Variants in PCDH7 observed in about 807,000 individuals in gnomAD.
PCDH7 encodes the protein protocadherin 7.
Under a neutral mutation model 58.9 loss-of-function variants are expected in PCDH7, and 17 were observed. The observed-to-expected ratio is 0.29, with a 90% CI of 0.20 to 0.43. The LOEUF is 0.43. Ranked by LOEUF, PCDH7 falls within the 20% of genes least tolerant of loss-of-function variation. PCDH7 has a pLI of 1.00. For synonymous variants in PCDH7, 664 were observed against 616.4 expected (o/e 1.08, Z -1.14); for missense variants, 1,274 against 1,441.0 (o/e 0.88, Z 1.88).
At chr4:31,083,723 T>G (rs1022081889) in intron 3 of PCDH7, among the ~76,000 whole-genome samples, 1 of 152,196 alleles carries the variant, frequency 6.6e-6, no homozygotes, top group Non-Finnish European at 1.5e-5. Context: ...TCAAAAATGA[T>G]GGGGTGGAGT....
At chr4:30,893,332 T>C (rs1738860200) in intron 1 of PCDH7, among the ~76,000 whole-genome samples, 1 of 152,090 alleles carries the variant, frequency 6.6e-6, no homozygotes, top group South Asian at 2.1e-4. Context: ...TAGGTTTAGT[T>C]TTACTTTCCA....
chr4:30,890,494 G>C (rs1738473392), intron 1 of PCDH7, among the ~76,000 whole-genome samples: 1 of 151,302 alleles, frequency 6.6e-6, no homozygotes, highest in Non-Finnish European at 1.5e-5. Flanking sequence ...CTTGATCTTT[G>C]TATAGTCATT....
At chr4:30,983,289 C>G (rs1750720250) in intron 3 of PCDH7, among the ~76,000 whole-genome samples, 1 of 151,998 alleles carries the variant, frequency 6.6e-6, no homozygotes, top group Admixed American at 6.6e-5. Context: ...ATTTAGTTTT[C>G]TTTTTAATGG....
chr4:30,872,172 T>A (rs990646833), intron 1 of PCDH7, among the ~76,000 whole-genome samples: 1 of 152,118 alleles, frequency 6.6e-6, no homozygotes, highest in African/African-American at 2.4e-5. Flanking sequence ...TCCTTACCAA[T>A]TACTGCTTAT....
chr4:30,760,253 G>A (rs557268032), intron 1 of PCDH7, among the ~76,000 whole-genome samples: 44 of 152,236 alleles, frequency 2.9e-4, no homozygotes, highest in African/African-American at 1.1e-3. Context: ...AGAGGAGCAG[G>A]GGAAGGCAGT....
chr4:30,952,680 T>A (rs1456795012), intron 3 of PCDH7, among the ~76,000 whole-genome samples: 1 of 152,112 alleles, frequency 6.6e-6, no homozygotes, highest in African/African-American at 2.4e-5. Context: ...TAGAAAAGCC[T>A]TTGAGGTAAA....
At chr4:30,924,965 C>G (rs964653646) in intron 2 of PCDH7, among the ~76,000 whole-genome samples, 3 of 151,810 alleles carry the variant, frequency 2.0e-5, no homozygotes, top group South Asian at 4.2e-4. Flanking sequence ...TTTGGCCACT[C>G]TAAATCCCTA....
rs75810933 is a variant in PCDH7, at chr4:31,079,534, G to A, written c.*8-62939G>A. Among the ~76,000 whole-genome samples the A allele has an allele frequency of 8.8e-4, 133 of 150,478 alleles. 3 individuals are homozygous for A. The East Asian group carries it at 0.024, about 27-fold the overall frequency. ...AGATTCCAAAGAAGTCCAACAGCACGTAATACCAAGTATATGTTTAAGATG... is the reference window on the plus strand; with the variant it reads ...AGATTCCAAAGAAGTCCAACAGCACATAATACCAAGTATATGTTTAAGATG... On this transcript the variant is annotated intron_variant, in intron 3 of 3. Coordinates refer to the PCDH7 transcript ENST00000509759.
At chr4:30,798,503 A>G (rs898163845) in intron 1 of PCDH7, among the ~76,000 whole-genome samples, 12 of 152,242 alleles carry the variant, frequency 7.9e-5, no homozygotes, top group African/African-American at 2.4e-4. Flanking sequence ...AAGTTGAGGA[A>G]TAAGTATAAT....
chr4:30,928,619 A>G (rs1430795671), intron 2 of PCDH7, among the ~76,000 whole-genome samples: 1 of 152,196 alleles, frequency 6.6e-6, no homozygotes, highest in African/African-American at 2.4e-5. Context: ...AGAGAAGTTC[A>G]GAGTGGTGTG....
At chr4:30,985,224 T>C (rs1254423072) in intron 3 of PCDH7, among the ~76,000 whole-genome samples, 2 of 152,220 alleles carry the variant, frequency 1.3e-5, no homozygotes, top group African/African-American at 4.8e-5. Context: ...CCCAAAGTGC[T>C]GGGATTACAG....
intron 1 of PCDH7, among the ~76,000 whole-genome samples, chr4:30,821,183 T>G (rs1402106561): frequency 2.6e-5 from 4 of 152,196 alleles, no homozygotes; most frequent in Non-Finnish European, 5.9e-5. Flanking sequence ...GTAAATGATC[T>G]CACTCTGTTC....
chr4:30,934,636 C>A (rs1212452975), intron 2 of PCDH7, among the ~76,000 whole-genome samples: 3 of 152,034 alleles, frequency 2.0e-5, no homozygotes, highest in Non-Finnish European at 4.4e-5. Context: ...TTATCTATGA[C>A]CTTTTGGAGA....
At chr4:30,749,685 G>T (rs983961146) in intron 1 of PCDH7, among the ~76,000 whole-genome samples, 16 of 152,136 alleles carry the variant, frequency 1.1e-4, no homozygotes, top group African/African-American at 3.1e-4. Flanking sequence ...GTTATGCCCA[G>T]AGAACTCCAC....
intron 1 of PCDH7, among the ~76,000 whole-genome samples, chr4:30,807,023 G>T (rs1401851814): frequency 6.6e-6 from 1 of 152,122 alleles, no homozygotes; most frequent in Non-Finnish European, 1.5e-5. Flanking sequence ...GGAATGGTAA[G>T]CATCTCCAGC....
rs777445624 is a variant in PCDH7, at chr4:30,970,951, G to T, written c.*7+20736G>T. 6.1e-4 allele frequency among the ~76,000 whole-genome samples: 93 copies of T among 152,178 alleles called. 2 individuals carry two copies. The highest frequency in any genetic ancestry group is 1.3e-4 in the Non-Finnish European group (9 of 68,038). On this transcript the variant is annotated intron_variant, in intron 3 of 3. Coordinates refer to the PCDH7 transcript ENST00000509759. ...ACACAAATGACACTTTCAGCTCTCA[G>T]CTCAATGATTTTGCAGTTTAGCAAG...
downstream of PCDH7, chr4:31,146,043 A>T (rs1186041030): frequency 6.6e-6 from 1 of 152,062 alleles, no homozygotes; most frequent in Non-Finnish European, 1.5e-5. Context: ...TCAATCTAAA[A>T]TCTACTGCTC....
chr4:30,845,031 A>G (rs183220547), intron 1 of PCDH7, among the ~76,000 whole-genome samples: 1 of 152,250 alleles, frequency 6.6e-6, no homozygotes, highest in East Asian at 1.9e-4. Flanking sequence ...CAAAACCACT[A>G]ATCTTCAGGG....
chr4:31,116,839 G>A (rs954414761), intron 3 of PCDH7, among the ~76,000 whole-genome samples: 3 of 151,772 alleles, frequency 2.0e-5, no homozygotes, highest in Non-Finnish European at 4.4e-5. Flanking sequence ...TGTTGTTGTT[G>A]TTTGGTTTTT....
Sources: allele counts gnomAD v4.1 joint callset (sites outside exome capture counted in the v4.1 genomes callset), GRCh38; gene constraint gnomAD v4.1.1; transcripts MANE v1.5; gene names NCBI Gene and HGNC (gene_info 2026-07-23, HGNC 2026-07-21).